The following AMOTL1 variants were observed in gnomAD, a reference collection of about 807,000 sequenced individuals.
The protein encoded by AMOTL1 is angiomotin like 1, also known as angiomotin-like protein 1.
A neutral mutation model predicts 102.9 loss-of-function variants in AMOTL1; 45 were observed. The observed-to-expected ratio is 0.44, with a 90% CI of 0.34 to 0.56. The LOEUF (loss-of-function observed/expected upper bound fraction) is 0.56, where lower values mean the gene tolerates loss of function less well. Ranked by LOEUF, AMOTL1 falls within the 20% of genes least tolerant of loss-of-function variation. The pLI, the probability that AMOTL1 is intolerant of heterozygous loss-of-function variation, is 0.01. For synonymous variants in AMOTL1, 481 were observed against 484.7 expected (o/e 0.99, Z 0.10); for missense variants, 1,114 against 1,225.6 (o/e 0.91, Z 1.36).
chr11:94,863,450 G>A (rs1191768453), intron 9 of AMOTL1, among the ~76,000 whole-genome samples: 2 of 152,136 alleles, frequency 1.3e-5, no homozygotes, highest in Admixed American at 6.5e-5. Flanking sequence ...AAATTAGCCA[G>A]ATGTGGTGAC....
At chr11:94,734,423 A>G (rs1950405229) in intron 2 of AMOTL1, among the ~76,000 whole-genome samples, 1 of 152,230 alleles carries the variant, frequency 6.6e-6, no homozygotes, top group African/African-American at 2.4e-5. Flanking sequence ...AGACTATTAA[A>G]TCCTAGAGAA....
intron 3 of AMOTL1, among the ~76,000 whole-genome samples, chr11:94,806,286 C>T (rs900985869): frequency 6.6e-6 from 1 of 152,230 alleles, no homozygotes; most frequent in African/African-American, 2.4e-5. Context: ...TCCTAGTGGG[C>T]TCTGTGTTTG....
At chr11:94,792,262 T>A (rs1404912983) in intron 1 of AMOTL1, among the ~76,000 whole-genome samples, 2 of 152,032 alleles carry the variant, frequency 1.3e-5, no homozygotes, top group Admixed American at 1.3e-4. Context: ...TAGGTGGGAA[T>A]TGAACAATGA....
At position 94,744,976 on chromosome 11, in the gene AMOTL1, A is replaced by G. The variant is rs569512740; in HGVS notation, c.136+3988A>G. On this transcript the variant is annotated intron_variant, in intron 3 of 4. Transcript: ENST00000299004. ...AAATCAATATTATAAAGTTACTTTT[A>G]GTGTTGATTTGTTGAAATTTATTAT... 3.9e-5 allele frequency among the ~76,000 whole-genome samples: 6 copies of G among 152,276 alleles called. No homozygotes were observed. In the South Asian group the frequency reaches 8.3e-4, roughly 21 times the overall value.
chr11:94,819,443 A>G (rs977369665), intron 3 of AMOTL1, among the ~76,000 whole-genome samples: 8 of 152,108 alleles, frequency 5.3e-5, no homozygotes, highest in African/African-American at 1.9e-4. Flanking sequence ...CCTCTGCCCT[A>G]TTTTTTTACT....
intron 3 of AMOTL1, among the ~76,000 whole-genome samples, chr11:94,747,728 G>C (rs1591925447): frequency 6.6e-6 from 1 of 152,186 alleles, no homozygotes; most frequent in South Asian, 2.1e-4. Context: ...TCAGAGGGCT[G>C]TGCTTCATGT....
At chr11:94,713,947 T>G (rs1254420417) in intron 1 of AMOTL1, among the ~76,000 whole-genome samples, 1 of 152,008 alleles carries the variant, frequency 6.6e-6, no homozygotes, top group Non-Finnish European at 1.5e-5. Flanking sequence ...GTAAGAGAGA[T>G]AAGACAGAAA....
At chr11:94,851,603 ATG>A (rs1468820957) in intron 7 of AMOTL1, among the ~76,000 whole-genome samples, 2 of 152,236 alleles carry the variant, frequency 1.3e-5, no homozygotes, top group Non-Finnish European at 2.9e-5. Context: ...ACAGCTGTAA[ATG>A]AGAATCCTGG....
chr11:94,743,804 G>A (rs776780358), intron 3 of AMOTL1, among the ~76,000 whole-genome samples: 41 of 151,910 alleles, frequency 2.7e-4, no homozygotes, highest in Admixed American at 9.8e-4. Context: ...GATTACAGGT[G>A]CCCGCCACCA....
chr11:94,757,677 A>G (rs886674498), intron 3 of AMOTL1, among the ~76,000 whole-genome samples: 26 of 152,152 alleles, frequency 1.7e-4, no homozygotes, highest in African/African-American at 5.6e-4. Flanking sequence ...CACTAACCAC[A>G]ATGGGGCAGG....
chr11:94,852,068 G>A (rs930091267), intron 7 of AMOTL1, among the ~76,000 whole-genome samples: 17 of 152,216 alleles, frequency 1.1e-4, no homozygotes, highest in Non-Finnish European at 1.5e-4. Context: ...ATTCAGAAAA[G>A]TATACTCAGT....
chr11:94,847,821 C>T lies in AMOTL1; in HGVS notation c.1649-2293C>T, dbSNP rs957403432. On this transcript the variant is annotated intron_variant, in intron 6 of 12. Coordinates refer to ENST00000433060, the MANE Select transcript of AMOTL1 (RefSeq NM_130847.3). ...ACTATCTAAATAGCTATCATTGTGA[C>T]ATAGCAATCAATAATAGTGATCACT... is the stretch of plus-strand genomic sequence containing the variant. Among the ~76,000 whole-genome samples the T allele has an allele frequency of 2.6e-5, 4 of 152,066 alleles. No individual in the cohort carries two copies. The East Asian group carries it at 7.7e-4, about 29-fold the overall frequency.
intron 3 of AMOTL1, among the ~76,000 whole-genome samples, chr11:94,809,671 A>C (rs186013563): frequency 2.6e-5 from 4 of 152,244 alleles, no homozygotes; most frequent in African/African-American, 4.8e-5. Context: ...CCTTATGCCA[A>C]ATTTTTACAT....
At chr11:94,770,053 C>G (rs1950922800) in intron 1 of AMOTL1, among the ~76,000 whole-genome samples, 1 of 152,132 alleles carries the variant, frequency 6.6e-6, no homozygotes, top group Non-Finnish European at 1.5e-5. Flanking sequence ...AAATATTAAA[C>G]AATCATGGCT....
chr11:94,742,975 T>C (rs1418769047), intron 3 of AMOTL1, among the ~76,000 whole-genome samples: 5 of 152,162 alleles, frequency 3.3e-5, no homozygotes, highest in East Asian at 1.9e-4. Flanking sequence ...CACCTCCAAA[T>C]ACCATCACAT....
At chr11:94,843,332 G>A (rs1238011677) in intron 6 of AMOTL1, among the ~76,000 whole-genome samples, 1 of 152,024 alleles carries the variant, frequency 6.6e-6, no homozygotes, top group African/African-American at 2.4e-5. Context: ...TTTTTTTTGA[G>A]TCTCTTTCTA....
chr11:94,815,394 G>A (rs1951748089), intron 3 of AMOTL1, among the ~76,000 whole-genome samples: 1 of 152,004 alleles, frequency 6.6e-6, no homozygotes, highest in Admixed American at 6.6e-5. Flanking sequence ...AGGAAAACCT[G>A]AACTCCACAG....
At chr11:94,786,665 T>C (rs536135332) in intron 1 of AMOTL1, among the ~76,000 whole-genome samples, 2 of 152,316 alleles carry the variant, frequency 1.3e-5, no homozygotes, top group African/African-American at 4.8e-5. Context: ...CTTTGTGCAA[T>C]TGGATCACAG....
intron 8 of AMOTL1, among the ~76,000 whole-genome samples, chr11:94,856,799 C>G (rs961176923): frequency 2.0e-5 from 3 of 152,214 alleles, no homozygotes; most frequent in African/African-American, 7.2e-5. Flanking sequence ...TCACCACTTC[C>G]CATAGGGCAT....
Sources: gnomAD v4.1 joint callset for allele counts (sites outside exome capture counted in the v4.1 genomes callset) on GRCh38, gnomAD v4.1.1 for gene constraint, MANE v1.5 for transcripts, NCBI Gene and HGNC (gene_info 2026-07-23, HGNC 2026-07-21) for gene names.